Variants in WNT9A observed in about 807,000 individuals in gnomAD.
WNT9A encodes the protein protein Wnt-9a.
Under a neutral mutation model 31.4 loss-of-function variants are expected in WNT9A, and 8 were observed. That is an observed-to-expected ratio of 0.26 (90% CI 0.15 to 0.46). The LOEUF (loss-of-function observed/expected upper bound fraction) is 0.46, where lower values mean the gene tolerates loss of function less well. WNT9A is among the 20% of genes least tolerant of loss of function. WNT9A has a pLI of 0.99. For missense variants in WNT9A, 457 were observed against 522.9 expected (o/e 0.87, Z 1.23); for synonymous variants, 236 against 220.1 (o/e 1.07, Z -0.64).
At chr1:227,938,884 C>T (rs1311235545) in intron 1 of WNT9A, among the ~76,000 whole-genome samples, 3 of 152,200 alleles carry the variant, frequency 2.0e-5, no homozygotes, top group East Asian at 1.9e-4. Flanking sequence ...AACAGTGTAG[C>T]GGCATGTGCA....
rs1666458250 is a variant in WNT9A, at chr1:227,928,618, A to C, written c.96-3099T>G. Among the ~76,000 whole-genome samples the C allele has an allele frequency of 1.3e-5, 2 of 152,334 alleles. No homozygotes were observed. The highest frequency in any genetic ancestry group is 4.8e-5 in the African/African-American group (2 of 41,584). On this transcript the variant is annotated intron_variant, in intron 1 of 3. Coordinates refer to ENST00000272164, the MANE Select transcript of WNT9A (RefSeq NM_003395.4). The surrounding 1 kb of genome is among the most constrained non-coding windows in gnomAD (Gnocchi z 4.5). ...CTCAGGGGGTGCAGGTCTGAGGATA[A>C]ACAGGCAGACCACAGGCACCACAGG...
In WNT9A at chr1:227,925,383, C is replaced by G. The variant is rs1411208231; in HGVS notation, c.232G>C (p.Val78Leu). Reference protein sequence around the residue: ...QRRMCRRDPGVAETLVEAVSM... With the variant: ...QRRMCRRDPGLAETLVEAVSM... ...ACGGCCTCCACCAGCGTCTCTGCCACGCCCGGGTCCCGGCGGCACATGCGC... is the reference window on the plus strand; with the variant it reads ...ACGGCCTCCACCAGCGTCTCTGCCAGGCCCGGGTCCCGGCGGCACATGCGC... Residue 78 changes from valine to leucine, a missense_variant, in exon 2 of 4, where the codon GTG (valine) becomes CTG (leucine). Physicochemically the swap from Val to Leu is conservative, Grantham distance 32. Transcript: ENST00000272164. The surrounding 1 kb of genome is among the most constrained non-coding windows in gnomAD (Gnocchi z 6.0). 6.2e-7 allele frequency: 1 copy of G among 1,611,118 alleles called. No homozygotes were observed. The highest frequency in any genetic ancestry group is 8.5e-7 in the Non-Finnish European group (1 of 1,179,490).
Position 227,921,886 on chromosome 1 carries a change from T to C in WNT9A, c.730A>G (p.Lys244Glu). ...TTGAGTGCCGTCTCATACTTGTGCT[T>C]CAGATGCTTGCCCACCTCATGGAAA... ...APFHEVGKHL[K>E]HKYETALKVG... Residue 244 changes from lysine to glutamate, a missense_variant, in exon 4 of 4, where the codon AAG becomes GAG. By Grantham distance (56) the Lys-to-Glu change is moderately conservative. Coordinates refer to ENST00000272164, the MANE Select transcript of WNT9A (RefSeq NM_003395.4). 6.2e-7 allele frequency: 1 copy of C among 1,613,196 alleles called. No homozygotes were observed.
rs547119925 is a variant in WNT9A at position 227,933,063 on chromosome 1, TCTC to T, written c.96-7547_96-7545del. On this transcript the variant is annotated intron_variant, in intron 1 of 3. Coordinates refer to ENST00000272164, the MANE Select transcript of WNT9A (RefSeq NM_003395.4). ...GAAGCTTTGAAGCTAGGCATTGACT[TCTC>T]CTCTCTAGCTATGGAAGTCCCAGAT... 3.3e-5 allele frequency among the ~76,000 whole-genome samples: 5 copies of T among 152,208 alleles called. No homozygotes were observed. The South Asian group carries it at 6.2e-4, about 19-fold the overall frequency.
chr1:227,947,169 C>A (rs1666807959), intron 1 of WNT9A, among the ~76,000 whole-genome samples: 1 of 152,146 alleles, frequency 6.6e-6, no homozygotes, highest in Admixed American at 6.5e-5. Context: ...GCAATGACAC[C>A]GCGGGACGCC....
At position 227,925,859 on chromosome 1, in the gene WNT9A, G is replaced by A. The variant is rs532342523; in HGVS notation, c.96-340C>T. Among the ~76,000 whole-genome samples, 2 of 152,056 alleles carry A rather than the reference G, an allele frequency of 1.3e-5. No individual in the cohort carries two copies. The highest frequency in any genetic ancestry group is 2.4e-5 in the African/African-American group (1 of 41,406). On this transcript the variant is annotated intron_variant, in intron 1 of 3. Coordinates refer to ENST00000272164, the MANE Select transcript of WNT9A (RefSeq NM_003395.4). This position sits in a 1 kb window ranked among gnomAD's most constrained non-coding sequence, Gnocchi z 6.0. ...ACAACATACGCAAGAGGACAGCCCC[G>A]CCTAGGGCTGTGGGCAGGGAGGAGG...
At chr1:227,947,305 T>C (rs1381246185) in intron 1 of WNT9A, among the ~76,000 whole-genome samples, 3 of 151,780 alleles carry the variant, frequency 2.0e-5, no homozygotes, top group Non-Finnish European at 4.4e-5. Context: ...ATTTCTCTCT[T>C]TCTCTCTCTC....
At position 227,942,097 on chromosome 1, in the gene WNT9A, C is replaced by T. The variant is rs148472826; in HGVS notation, c.95+5696G>A. Among the ~76,000 whole-genome samples the T allele has an allele frequency of 3.3e-3, 499 of 152,264 alleles. 12 individuals carry two copies. Among genetic ancestry groups the T allele is most frequent in the East Asian group, 0.024 (126 of 5,168 alleles). On this transcript the variant is annotated intron_variant, in intron 1 of 3. Coordinates refer to ENST00000272164, the MANE Select transcript of WNT9A (RefSeq NM_003395.4). This position sits in a 1 kb window ranked among gnomAD's most constrained non-coding sequence, Gnocchi z 5.7. Reference sequence around the variant, plus strand: ...CCCCAGCCCGGGCCACCCCAGCAGCCGGCGGAAGGTCCCAGGCCAGGGCAG... The same window carrying T: ...CCCCAGCCCGGGCCACCCCAGCAGCTGGCGGAAGGTCCCAGGCCAGGGCAG...
intron 1 of WNT9A, among the ~76,000 whole-genome samples, chr1:227,947,020 A>G (rs563951634): frequency 1.3e-5 from 2 of 152,318 alleles, no homozygotes; most frequent in South Asian, 4.1e-4. Flanking sequence ...CCCAAAGCGC[A>G]GCGAGGGTCC....
At chr1:227,923,160 A>C (rs943980922) in intron 3 of WNT9A, among the ~76,000 whole-genome samples, 1 of 152,006 alleles carries the variant, frequency 6.6e-6, no homozygotes, top group African/African-American at 2.4e-5. Flanking sequence ...CAAACAGGGG[A>C]GGTTGATCCT....
chr1:227,919,912 C>A lies in WNT9A; in HGVS notation c.*1606G>T, dbSNP rs1666280891. 1 of 152,436 alleles carries A rather than the reference C, an allele frequency of 6.6e-6. No individual in the cohort carries two copies. Among genetic ancestry groups the A allele is most frequent in the Non-Finnish European group, 1.5e-5 (1 of 68,242 alleles). 9.4% of individuals were successfully genotyped at this position (152,436 alleles called of 1,614,324 possible). A position where few individuals can be genotyped will look rare whatever the true frequency, so the allele number is the denominator to read the frequency against. ...AGGTCAGTGCAGGTCACCCTGTCCCCAGCACACACAACAGCAGGGCCATAA... is the reference window on the plus strand; with the variant it reads ...AGGTCAGTGCAGGTCACCCTGTCCCAAGCACACACAACAGCAGGGCCATAA... On this transcript the variant is annotated 3_prime_UTR_variant, in exon 4 of 4. Transcript: ENST00000272164.
intron 3 of WNT9A, 60 bp from the exon 4 acceptor site, chr1:227,922,060 C>A (rs1666329273): frequency 6.5e-7 from 1 of 1,542,294 alleles, no homozygotes; most frequent in East Asian, 2.3e-5. Flanking sequence ...GCCCAGTGAG[C>A]AGACCCTGCC....
rs1361223148 is a variant in WNT9A at position 227,928,502 on chromosome 1, C to T, written c.96-2983G>A. Among the ~76,000 whole-genome samples the T allele has an allele frequency of 6.6e-6, 1 of 152,238 alleles. No homozygotes were observed. Among genetic ancestry groups the T allele is most frequent in the African/African-American group, 2.4e-5 (1 of 41,472 alleles). ...CATGGCCTTCTTAAGCTCCTGCCCC[C>T]TCACCTCTCCCACCCTGGGTAACCC... On this transcript the variant is annotated intron_variant, in intron 1 of 3. Transcript: ENST00000272164. This position sits in a 1 kb window ranked among gnomAD's most constrained non-coding sequence, Gnocchi z 4.5.
chr1:227,941,588 T>TGGGGCCGACCTCAAGGGACAGGCG (rs1156754464), intron 1 of WNT9A: 1 of 154,176 alleles, frequency 6.5e-6, no homozygotes, highest in Non-Finnish European at 1.5e-5. Flanking sequence ...AAGCAGCAGC[T>TGGGGCCGACCTCAAGGGACAGGCG]GGGGCCGACC....
chr1:227,937,556 C>A (rs1180132608), intron 1 of WNT9A, among the ~76,000 whole-genome samples: 1 of 152,210 alleles, frequency 6.6e-6, no homozygotes, highest in Admixed American at 6.5e-5. Flanking sequence ...CCAGTGGAGG[C>A]TGTCCTTATA....
intron 1 of WNT9A, among the ~76,000 whole-genome samples, chr1:227,943,498 C>T (rs1325055161): frequency 6.6e-6 from 1 of 152,252 alleles, no homozygotes; most frequent in Non-Finnish European, 1.5e-5. Flanking sequence ...ATGCTCAGCG[C>T]CACTGGCCAC....
chr1:227,941,431 A>G (rs934233013), intron 1 of WNT9A, among the ~76,000 whole-genome samples: 1 of 148,380 alleles, frequency 6.7e-6, no homozygotes, highest in Admixed American at 6.7e-5. Flanking sequence ...ACCCCACGGG[A>G]ACCCTCCTGG....
chr1:227,927,691 C>T (rs1181446612), intron 1 of WNT9A, among the ~76,000 whole-genome samples: 2 of 152,098 alleles, frequency 1.3e-5, no homozygotes, highest in African/African-American at 2.4e-5. Context: ...CATCCCCAGA[C>T]GGAACGCCAC....
intron 1 of WNT9A, among the ~76,000 whole-genome samples, chr1:227,937,291 C>T (rs1280223832): frequency 6.6e-6 from 1 of 152,218 alleles, no homozygotes; most frequent in East Asian, 1.9e-4. Flanking sequence ...GCTGTCTTTT[C>T]GAGGCCCCTG....
Sources: allele counts gnomAD v4.1 joint callset (sites outside exome capture counted in the v4.1 genomes callset), GRCh38; gene constraint gnomAD v4.1.1; non-coding constraint Gnocchi (gnomAD v3.1); transcripts MANE v1.5; gene names NCBI Gene and HGNC (gene_info 2026-07-23, HGNC 2026-07-21).